ANKRD17: variants seen among roughly 807,000 people sequenced by gnomAD.
ANKRD17 encodes ankyrin repeat domain 17, also known as ankyrin repeat domain-containing protein 17.
In ANKRD17, 19 loss-of-function variants were observed where a neutral mutation model predicts 229.7. The ratio of observed to expected loss-of-function variants is 0.08; its 90% CI spans 0.06 to 0.12. The LOEUF (loss-of-function observed/expected upper bound fraction) is 0.12, where lower values mean the gene tolerates loss of function less well. ANKRD17 is among the 10% of genes least tolerant of loss of function. The pLI is 1.00. For missense variants in ANKRD17, 2,176 were observed against 3,176.8 expected (o/e 0.68, Z 7.57); for synonymous variants, 1,112 against 1,146.1 (o/e 0.97, Z 0.60).
In ANKRD17 at chr4:73,073,505, T is replaced by C. The variant is rs1047202010; in HGVS notation, c.*2726A>G. ...TAGGGTACAAAATTTTTACAAAATGTGTATTTAGGTTATTTGAGTCAAAAC... is the reference window on the plus strand; with the variant it reads ...TAGGGTACAAAATTTTTACAAAATGCGTATTTAGGTTATTTGAGTCAAAAC... On this transcript the variant is annotated 3_prime_UTR_variant, in exon 34 of 34. Coordinates refer to ENST00000358602, the MANE Select transcript of ANKRD17 (RefSeq NM_032217.5). The C allele has an allele frequency of 2.6e-5, 4 of 152,124 alleles. No individual in the cohort carries two copies. The highest frequency in any genetic ancestry group is 2.6e-4 in the Admixed American group (4 of 15,280). The allele number at this position is 152,124 out of a possible 1,614,324, so 9.4% of individuals were successfully genotyped here.
At position 73,077,523 on chromosome 4, in the gene ANKRD17, G is replaced by T; in HGVS notation, c.7419C>A (p.Asp2473Glu). 6.3e-7 allele frequency: 1 copy of T among 1,582,928 alleles called. No homozygotes were observed. The highest frequency in any genetic ancestry group is 1.2e-5 in the South Asian group (1 of 85,226). The change falls in exon 32 of 34, where the codon GAC becomes GAA. Residue 2473 changes from aspartate to glutamate, a missense_variant. By Grantham distance (45) the Asp-to-Glu change is conservative. Around this residue, in one of 18 missense-constraint regions of ANKRD17, gnomAD observed 159 missense variants for 214.3 expected, o/e 0.74. Coordinates refer to ENST00000358602, the MANE Select transcript of ANKRD17 (RefSeq NM_032217.5). The stretch of plus-strand genomic sequence containing the variant: ...GATTTCCCATCCCAGGGTTACACCA[G>T]TCTACTTTGTCTGAGGGCAAACAAA... ...EGIGGNQDKVDWCNPGMGNPM... is the reference protein window; with the variant it reads ...EGIGGNQDKVEWCNPGMGNPM...
rs185391055 is a variant in ANKRD17 at position 73,217,820 on chromosome 4, T to C, written c.394-40287A>G. On this transcript the variant is annotated intron_variant, in intron 1 of 33. Coordinates refer to ENST00000358602, the MANE Select transcript of ANKRD17 (RefSeq NM_032217.5). ...ACATTCGGACTATGTGTATAAGGTA[T>C]ATATAAAACATAAGTAAATCTCATG... is the stretch of plus-strand genomic sequence containing the variant. Among the ~76,000 whole-genome samples the C allele has an allele frequency of 3.3e-5, 5 of 152,316 alleles. No homozygotes were observed. In the East Asian group the frequency reaches 7.7e-4, roughly 23 times the overall value.
chr4:73,239,918 C>A (rs982974452), intron 1 of ANKRD17, among the ~76,000 whole-genome samples: 6 of 152,034 alleles, frequency 3.9e-5, no homozygotes, highest in African/African-American at 1.4e-4. Flanking sequence ...GATATTACCC[C>A]CTCAATAGAA....
chr4:73,079,663 C>T (rs1039934188), intron 30 of ANKRD17, among the ~76,000 whole-genome samples: 5 of 152,056 alleles, frequency 3.3e-5, no homozygotes, highest in African/African-American at 1.2e-4. Flanking sequence ...TTTATTTTAT[C>T]TTGTGAGTAC....
At chr4:73,114,653 T>C (rs1465401051) in intron 23 of ANKRD17, among the ~76,000 whole-genome samples, 7 of 152,136 alleles carry the variant, frequency 4.6e-5, no homozygotes, top group Non-Finnish European at 1.0e-4. Context: ...ATTCTTAGTA[T>C]TATTAAAAAT....
intron 1 of ANKRD17, among the ~76,000 whole-genome samples, chr4:73,241,384 G>A (rs1290293557): frequency 1.3e-5 from 2 of 151,986 alleles, no homozygotes; most frequent in Non-Finnish European, 2.9e-5. Flanking sequence ...ACTAATGAAT[G>A]GATAAATAAA....
At chr4:73,100,268 C>T (rs1169737646) in intron 25 of ANKRD17, among the ~76,000 whole-genome samples, 1 of 152,034 alleles carries the variant, frequency 6.6e-6, no homozygotes, top group Non-Finnish European at 1.5e-5. Context: ...GCTGGGTGAC[C>T]GACCACCCCA....
chr4:73,191,341 A>ATGTATGTGTGTGTG (rs1553933229), intron 1 of ANKRD17, among the ~76,000 whole-genome samples: 1 of 125,244 alleles, frequency 8.0e-6, no homozygotes, highest in South Asian at 2.8e-4. Flanking sequence ...AAAAATATAT[A>ATGTATGTGTGTGTG]TGTGTGTGTG....
intron 29 of ANKRD17, among the ~76,000 whole-genome samples, chr4:73,086,968 A>G (rs1227500888): frequency 8.9e-6 from 1 of 112,696 alleles, no homozygotes; most frequent in African/African-American, 3.3e-5. Context: ...AGGATTTTAA[A>G]TAGGTTTAAG....
chr4:73,221,117 CA>C (rs1299597106), intron 1 of ANKRD17, among the ~76,000 whole-genome samples: 2 of 151,660 alleles, frequency 1.3e-5, no homozygotes, highest in African/African-American at 2.4e-5. Context: ...AAAATGTTAC[CA>C]AGATTGACAA....
intron 13 of ANKRD17, 21 bp from the exon 14 acceptor site, chr4:73,141,864 T>C (rs1179607170): frequency 6.5e-7 from 1 of 1,541,658 alleles, no homozygotes; most frequent in South Asian, 1.1e-5. Context: ...GGACACTAAG[T>C]GACTATTAGT....
At chr4:73,113,719 G>T in intron 24 of ANKRD17, 73 bp downstream of exon 24, 1 of 1,141,372 alleles carries the variant, frequency 8.8e-7, no homozygotes, top group Non-Finnish European at 1.3e-6. Context: ...CAAAAAGACG[G>T]ATTACAAATC....
At chr4:73,131,940 T>C (rs2148762650) in intron 16 of ANKRD17, among the ~76,000 whole-genome samples, 1 of 152,294 alleles carries the variant, frequency 6.6e-6, no homozygotes, top group Non-Finnish European at 1.5e-5. Context: ...CATTATATTA[T>C]TTGTCACAGC....
At chr4:73,096,341 T>C (rs1241818434) in intron 27 of ANKRD17, among the ~76,000 whole-genome samples, 1 of 151,944 alleles carries the variant, frequency 6.6e-6, no homozygotes, top group Non-Finnish European at 1.5e-5. Flanking sequence ...TCCAATAGAG[T>C]GTGTATGTGA....
chr4:73,211,644 C>T (rs377407515), intron 1 of ANKRD17, among the ~76,000 whole-genome samples: 10 of 151,764 alleles, frequency 6.6e-5, no homozygotes, highest in African/African-American at 2.2e-4. Context: ...GTCAGGAGTT[C>T]GAGACTAGTC....
chr4:73,155,027 C>T (rs965055908), intron 5 of ANKRD17, among the ~76,000 whole-genome samples: 11 of 141,172 alleles, frequency 7.8e-5, no homozygotes, highest in Non-Finnish European at 1.4e-4. Flanking sequence ...GGTGACAGAG[C>T]GAGACTCCGT....
chr4:73,102,277 A>G (rs1471003082), intron 25 of ANKRD17, 99 bp downstream of exon 25: 2 of 1,283,520 alleles, frequency 1.6e-6, no homozygotes, highest in East Asian at 5.0e-5. Context: ...TTAAGGGGTT[A>G]ATAACTTGAA....
chr4:73,121,578 T>C, intron 19 of ANKRD17, 39 bp downstream of exon 19: 2 of 1,610,228 alleles, frequency 1.2e-6, no homozygotes. Context: ...ATAACAGTCT[T>C]ACTAAATAAG....
rs755937813 is a variant in ANKRD17, at chr4:73,135,217, A to G, written c.3134T>C (p.Ile1045Thr). Reference sequence around the variant, plus strand: ...CTGAGGTTGGGAAATGGATGCAGCAATACTGTGGGTAGGAGTGTTTGACAT... The same window carrying G: ...CTGAGGTTGGGAAATGGATGCAGCAGTACTGTGGGTAGGAGTGTTTGACAT... ...SAMSNTPTHSIAASISQPQTP... is the reference protein window; with the variant it reads ...SAMSNTPTHSTAASISQPQTP... The change falls in exon 16 of 34, where the codon ATT (isoleucine) becomes ACT (threonine). Residue 1045 changes from isoleucine to threonine, a missense_variant. Ile to Thr is a moderately conservative substitution (Grantham distance 89). This residue lies in a region of ANKRD17 where 230 missense variants were observed against 252.3 expected (regional missense o/e 0.91). Transcript: ENST00000358602. 1.9e-6 allele frequency: 3 copies of G among 1,613,760 alleles called. No individual in the cohort carries two copies. The highest frequency in any genetic ancestry group is 2.2e-5 in the East Asian group (1 of 44,862).
Sources: allele counts gnomAD v4.1 joint callset (sites outside exome capture counted in the v4.1 genomes callset), GRCh38; gene constraint gnomAD v4.1.1; regional missense constraint gnomAD v4.1.1; transcripts MANE v1.5; gene names NCBI Gene and HGNC (gene_info 2026-07-23, HGNC 2026-07-21).